Variants in MGAT4C observed in about 807,000 individuals in gnomAD.
The protein encoded by MGAT4C is MGAT4 family member C, also known as alpha-1,3-mannosyl-glycoprotein 4-beta-N-acetylglucosaminyltransferase C.
A neutral mutation model predicts 40.1 loss-of-function variants in MGAT4C; 19 were observed. The ratio of observed to expected loss-of-function variants is 0.47; its 90% CI spans 0.33 to 0.70. The LOEUF (loss-of-function observed/expected upper bound fraction) is 0.70, where lower values mean the gene tolerates loss of function less well. MGAT4C is among the 30% of genes least tolerant of loss of function. The pLI, the probability that MGAT4C is intolerant of heterozygous loss-of-function variation, is 0.02. For synonymous variants in MGAT4C, 181 were observed against 187.1 expected, an observed-to-expected ratio of 0.97 and a Z score of 0.27; for missense variants, 491 against 563.2, an observed-to-expected ratio of 0.87 and a Z score of 1.30.
At chr12:86,669,477 T>C (rs1964198106) in intron 2 of MGAT4C, among the ~76,000 whole-genome samples, 1 of 152,120 alleles carries the variant, frequency 6.6e-6, no homozygotes, top group South Asian at 2.1e-4. Flanking sequence ...CTCCAAGCAT[T>C]TGGAGGACCC....
intron 2 of MGAT4C, among the ~76,000 whole-genome samples, chr12:86,696,867 T>C (rs890179072): frequency 8.5e-5 from 13 of 152,132 alleles, no homozygotes; most frequent in African/African-American, 2.9e-4. Flanking sequence ...ATTTCAAATC[T>C]ATAAGTAAGA....
chr12:86,460,962 A>G (rs1456329006), intron 2 of MGAT4C, among the ~76,000 whole-genome samples: 1 of 152,120 alleles, frequency 6.6e-6, no homozygotes, highest in South Asian at 2.1e-4. Flanking sequence ...AACACAATGC[A>G]AGAGTTTTAA....
intron 1 of MGAT4C, among the ~76,000 whole-genome samples, chr12:86,138,972 G>A (rs1882437680): frequency 6.6e-6 from 1 of 152,076 alleles, no homozygotes; most frequent in South Asian, 2.1e-4. Context: ...GATCACGTGT[G>A]AAAGGCCACA....
chr12:86,180,570 C>G (rs772388580), intron 1 of MGAT4C, among the ~76,000 whole-genome samples: 9 of 152,128 alleles, frequency 5.9e-5, no homozygotes, highest in Non-Finnish European at 1.5e-5. Context: ...CTATGGGAAC[C>G]CACCTCTTGC....
intron 1 of MGAT4C, among the ~76,000 whole-genome samples, chr12:86,119,581 GT>G (rs1339660163): frequency 1.3e-5 from 2 of 151,748 alleles, no homozygotes; most frequent in African/African-American, 4.8e-5. Context: ...CTAATTTTTT[GT>G]ATTTTTAGTA....
At chr12:86,279,008 A>G (rs1172677003) in intron 4 of MGAT4C, among the ~76,000 whole-genome samples, 1 of 152,224 alleles carries the variant, frequency 6.6e-6, no homozygotes, top group Non-Finnish European at 1.5e-5. Flanking sequence ...TCATGTGATC[A>G]TAAGGAATGA....
chr12:86,723,531 A>T (rs1950770644), intron 2 of MGAT4C, among the ~76,000 whole-genome samples: 1 of 152,110 alleles, frequency 6.6e-6, no homozygotes, highest in African/African-American at 2.4e-5. Flanking sequence ...GTTTCTTCAC[A>T]TTGTTTTCCC....
chr12:86,721,759 T>C (rs1038840383), intron 2 of MGAT4C, among the ~76,000 whole-genome samples: 7 of 152,078 alleles, frequency 4.6e-5, no homozygotes, highest in African/African-American at 1.2e-4. Context: ...TAACGTAAGA[T>C]TGAACAAAAA....
chr12:86,130,933 T>G (rs1881081915), intron 1 of MGAT4C, among the ~76,000 whole-genome samples: 1 of 152,070 alleles, frequency 6.6e-6, no homozygotes, highest in Non-Finnish European at 1.5e-5. Context: ...TTATCATTAT[T>G]ATTACTAGTA....
At chr12:86,015,221 A>G (rs1245875777) in intron 2 of MGAT4C, among the ~76,000 whole-genome samples, 1 of 149,320 alleles carries the variant, frequency 6.7e-6, no homozygotes, top group Non-Finnish European at 1.5e-5. Context: ...TGCAAAAGTA[A>G]TTGCGGTTTT....
chr12:86,437,991 A>G (rs1359849396), intron 2 of MGAT4C, among the ~76,000 whole-genome samples: 1 of 151,936 alleles, frequency 6.6e-6, no homozygotes, highest in Non-Finnish European at 1.5e-5. Context: ...TTCAAGTGAA[A>G]GGAAGAGTCA....
intron 1 of MGAT4C, among the ~76,000 whole-genome samples, chr12:86,230,798 G>A (rs1163531163): frequency 6.6e-6 from 1 of 151,476 alleles, no homozygotes; most frequent in Middle Eastern, 3.2e-3. Context: ...TGAATAATGT[G>A]TTTCCCCAGA....
At chr12:86,554,448 G>A (rs772288553) in intron 2 of MGAT4C, among the ~76,000 whole-genome samples, 152 of 151,902 alleles carry the variant, frequency 1.0e-3, no homozygotes, top group Non-Finnish European at 3.5e-4. Flanking sequence ...CTACCATATT[G>A]CCCAGCTTTG....
chr12:86,029,466 T>G (rs2136898733), intron 2 of MGAT4C, among the ~76,000 whole-genome samples: 1 of 151,908 alleles, frequency 6.6e-6, no homozygotes, highest in African/African-American at 2.4e-5. Context: ...ACCAGCAGAG[T>G]AAAATCTTTT....
Position 85,979,542 on chromosome 12 carries a change from T to C in MGAT4C, c.1184A>G (p.Asn395Ser), listed in dbSNP as rs1232604877. The change falls in exon 5 of 5, where the codon AAT becomes AGT. Residue 395 changes from asparagine (N) to serine (S), a missense_variant. Physicochemically the swap from Asn to Ser is conservative, Grantham distance 46. Transcript: ENST00000611864. ...NPIIIKKIKV[N>S]TGTEDRQNDI... Reference sequence around the variant, plus strand: ...ATTTTGCCGATCTTCTGTTCCAGTATTTACTTTAATTTTTTTTATTATAAT... The same window carrying C: ...ATTTTGCCGATCTTCTGTTCCAGTACTTACTTTAATTTTTTTTATTATAAT... The C allele has an allele frequency of 6.2e-7, 1 of 1,610,602 alleles. No individual in the cohort carries two copies. The highest frequency in any genetic ancestry group is 2.2e-5 in the East Asian group (1 of 44,838).
rs115614831 is a variant in MGAT4C at position 86,265,238 on chromosome 12, G to C, written c.-57+68827C>G. Among the ~76,000 whole-genome samples, 590 of 152,248 alleles carry C rather than the reference G, an allele frequency of 3.9e-3. 3 individuals carry two copies. Among genetic ancestry groups the C allele is most frequent in the African/African-American group, 0.014 (573 of 41,550 alleles). On this transcript the variant is annotated intron_variant, in intron 4 of 7. Transcript: ENST00000548651. Reference sequence around the variant, plus strand: ...CATCCAGGCCAGTAGCGCGAGCCAAGCGCAGCCTGCCAGGCCAAAACAGGC... The same window carrying C: ...CATCCAGGCCAGTAGCGCGAGCCAACCGCAGCCTGCCAGGCCAAAACAGGC...
intron 2 of MGAT4C, among the ~76,000 whole-genome samples, chr12:86,595,703 G>A (rs779191110): frequency 9.2e-5 from 14 of 152,040 alleles, no homozygotes; most frequent in Non-Finnish European, 1.9e-4. Context: ...TGAATAACAA[G>A]TATTTTAACA....
intron 1 of MGAT4C, among the ~76,000 whole-genome samples, chr12:86,729,772 A>C (rs1950879699): frequency 6.6e-6 from 1 of 152,076 alleles, no homozygotes; most frequent in Non-Finnish European, 1.5e-5. Context: ...CTAATATCTA[A>C]GAAATCATTC....
At chr12:86,209,393 T>C (rs1265114645) in intron 1 of MGAT4C, among the ~76,000 whole-genome samples, 1 of 152,104 alleles carries the variant, frequency 6.6e-6, no homozygotes, top group East Asian at 1.9e-4. Flanking sequence ...CTTATCAGTA[T>C]TTGTTAGTCT....
Sources: allele counts gnomAD v4.1 joint callset (sites outside exome capture counted in the v4.1 genomes callset), GRCh38; gene constraint gnomAD v4.1.1; transcripts MANE v1.5; gene names NCBI Gene and HGNC (gene_info 2026-07-23, HGNC 2026-07-21).